Variants in GAS6 observed in about 807,000 individuals in gnomAD.
GAS6 encodes growth arrest specific 6.
GAS6 carries 41 observed loss-of-function variants against 75.8 expected under a neutral mutation model. That is an observed-to-expected ratio of 0.54 (90% CI 0.42 to 0.70). GAS6 has a LOEUF of 0.70. GAS6 is among the 30% of genes least tolerant of loss of function. The pLI, the probability that GAS6 is intolerant of heterozygous loss-of-function variation, is 0.00. For synonymous variants in GAS6, 432 were observed against 412.6 expected (o/e 1.05, Z -0.57); for missense variants, 854 against 940.2 (o/e 0.91, Z 1.20).
chr13:113,853,208 C>CGTGA (rs1469015475), intron 2 of GAS6, among the ~76,000 whole-genome samples: 2 of 152,224 alleles, frequency 1.3e-5, no homozygotes, highest in Non-Finnish European at 2.9e-5. Context: ...AAGCACCTCA[C>CGTGA]GCAGCCTAAA....
chr13:113,824,194 G>A lies in GAS6; in HGVS notation c.1478-644C>T, dbSNP rs2051502249. 3.5e-5 allele frequency among the ~76,000 whole-genome samples: 5 copies of A among 143,844 alleles called. No homozygotes were observed. The South Asian group carries it at 1.1e-3, about 32-fold the overall frequency. The allele number at this position is 143,844 out of a possible 152,430, so 94.4% of individuals were successfully genotyped here. On this transcript the variant is annotated intron_variant, in intron 12 of 14. Coordinates refer to ENST00000327773, the MANE Select transcript of GAS6 (RefSeq NM_000820.4). ...GGGGTCTGAGCTGTCAGGAGCACCC[G>A]CGGTCTGGGGTCTGAGCTGTCGGGA...
intron 2 of GAS6, among the ~76,000 whole-genome samples, chr13:113,850,853 C>G (rs1286190376): frequency 6.6e-6 from 1 of 151,008 alleles, no homozygotes; most frequent in East Asian, 2.0e-4. Context: ...TGGATAGATG[C>G]ATGTATGGAT....
intron 3 of GAS6, chr13:113,847,677 T>C (rs978696435): frequency 6.4e-6 from 2 of 314,210 alleles, no homozygotes; most frequent in African/African-American, 4.5e-5. Flanking sequence ...ATGGACCCCT[T>C]TGGGGTCCTC....
At chr13:113,836,853 GGAGGAGGAGGGGGAGTGGGGA>G (rs1229071329) in intron 6 of GAS6, among the ~76,000 whole-genome samples, 1 of 114,990 alleles carries the variant, frequency 8.7e-6, no homozygotes, top group African/African-American at 3.3e-5. Context: ...GGAGTGGGGG[GGAGGAGGAGGGGGAGTGGGGA>G]GAGGAGGAGG....
chr13:113,821,537 A>T (rs545026518), intron 14 of GAS6: 207 of 234,110 alleles, frequency 8.8e-4, no homozygotes, highest in Non-Finnish European at 1.5e-3. Flanking sequence ...CCCATGGGAC[A>T]CGGCAGGACG....
At chr13:113,856,208 C>T (rs1332104760) in intron 2 of GAS6, among the ~76,000 whole-genome samples, 1 of 152,232 alleles carries the variant, frequency 6.6e-6, no homozygotes, top group Non-Finnish European at 1.5e-5. Flanking sequence ...GCGCCCACAC[C>T]AGCACCACTC....
intron 2 of GAS6, among the ~76,000 whole-genome samples, chr13:113,849,937 C>A (rs2051860557): frequency 6.6e-6 from 1 of 152,124 alleles, no homozygotes; most frequent in Admixed American, 6.5e-5. Flanking sequence ...GATGAATAAA[C>A]CTAAAAACGC....
chr13:113,820,816 C>CGGCTGTCTCGGACAGAGACTGAGAA lies in GAS6; in HGVS notation c.*23_*47dup, dbSNP rs2051443984. ...TGGTGAGGAGCCCCCAGGCTCCTCC[C>CGGCTGTCTCGGACAGAGACTGAGAA]GGCTGTCTCGGACAGAGACTGAGAA... On this transcript the variant is annotated 3_prime_UTR_variant, in exon 15 of 15. Transcript: ENST00000327773. 6.3e-7 allele frequency: 1 copy of CGGCTGTCTCGGACAGAGACTGAGAA among 1,581,922 alleles called. No homozygotes were observed. The highest frequency in any genetic ancestry group is 8.6e-7 in the Non-Finnish European group (1 of 1,166,508).
rs557911367 is a variant in GAS6, at chr13:113,826,384, C to T, written c.1477+612G>A. On this transcript the variant is annotated intron_variant, in intron 12 of 14. Transcript: ENST00000327773. ...GACCCTGTAAGGCTCCCAGCCTCCC[C>T]GGCCTCGCAGGCACCTTCTCTCCCC... Among the ~76,000 whole-genome samples, 135 of 147,732 alleles carry T rather than the reference C, an allele frequency of 9.1e-4. 1 individual carries two copies. Among genetic ancestry groups the T allele is most frequent in the African/African-American group, 3.4e-3 (130 of 38,738 alleles).
intron 13 of GAS6, 58 bp from the exon 14 acceptor site, chr13:113,822,244 G>T: frequency 1.5e-6 from 2 of 1,311,722 alleles, no homozygotes; most frequent in Non-Finnish European, 2.1e-6. Context: ...GAGCTGTTAG[G>T]TCCAAGCTGG....
intron 2 of GAS6, among the ~76,000 whole-genome samples, chr13:113,857,087 C>T (rs1020684485): frequency 5.3e-5 from 8 of 152,144 alleles, no homozygotes; most frequent in African/African-American, 1.9e-4. Context: ...AAAACAGGGT[C>T]TAGCAGGTTT....
At chr13:113,852,093 C>T (rs55686953) in intron 2 of GAS6, among the ~76,000 whole-genome samples, 25,848 of 152,232 alleles carry the variant, frequency 0.17, 4,248 homozygotes, top group African/African-American at 0.43. Context: ...CCTGTGCTCC[C>T]GAGGCTCTGG....
intron 12 of GAS6, among the ~76,000 whole-genome samples, chr13:113,824,288 G>C (rs111905833): frequency 3.1e-5 from 2 of 64,246 alleles, no homozygotes; most frequent in East Asian, 5.0e-4. Flanking sequence ...TCGGGAGCAC[G>C]CGCGGTCTGG....
chr13:113,859,037 G>A (rs2051944922), intron 2 of GAS6, among the ~76,000 whole-genome samples: 1 of 150,120 alleles, frequency 6.7e-6, no homozygotes, highest in Non-Finnish European at 1.5e-5. Context: ...GTATGTGCAT[G>A]TCTGGACAGT....
At chr13:113,833,125 G>A in intron 8 of GAS6, 1 of 1,170,976 alleles carries the variant, frequency 8.5e-7, no homozygotes. Context: ...GGCTGTCCTG[G>A]AAAGTTCCCT....
Position 113,832,389 on chromosome 13 carries a change from T to C in GAS6, c.1053A>G (p.Arg351=), listed in dbSNP as rs760098401. ...QDSTWIVLAL[R]AGRLELQLRY... ...GCAGCTGCAGCTCCAGCCGGCCGGC[T>C]CTCAGGGCCAGCACGATCCAGGTGC... is the stretch of plus-strand genomic sequence containing the variant. Residue 351 remains arginine, a synonymous_variant, in exon 10 of 15, where the codon AGA becomes AGG. Coordinates refer to ENST00000327773, the MANE Select transcript of GAS6 (RefSeq NM_000820.4). 1 of 1,611,926 alleles carries C rather than the reference T, an allele frequency of 6.2e-7. No individual in the cohort carries two copies. The highest frequency in any genetic ancestry group is 8.5e-7 in the Non-Finnish European group (1 of 1,179,904).
chr13:113,821,991 T>G lies in GAS6; in HGVS notation c.1849A>C (p.Ser617Arg). 6.5e-7 allele frequency: 1 copy of G among 1,547,838 alleles called. No homozygotes were observed. The change falls in exon 14 of 15, where the codon AGC becomes CGC. Residue 617 changes from serine to arginine, a missense_variant. By Grantham distance (110) the Ser-to-Arg change is moderately radical. Transcript: ENST00000327773. ...CCGCCAGCAAAGGTGAGCACGGGGCTCCGCAGGTGCCTCTCGAGCACGGCC... is the reference window on the plus strand; with the variant it reads ...CCGCCAGCAAAGGTGAGCACGGGGCGCCGCAGGTGCCTCTCGAGCACGGCC... ...RLAVLERHLR[S>R]PVLTFAGGLP...
At chr13:113,858,832 T>G (rs188610852) in intron 2 of GAS6, among the ~76,000 whole-genome samples, 1 of 147,468 alleles carries the variant, frequency 6.8e-6, no homozygotes, top group Non-Finnish European at 1.5e-5. Flanking sequence ...CATGTATGTG[T>G]ACATGTCTGT....
chr13:113,831,648 G>A (rs940645910), intron 10 of GAS6, among the ~76,000 whole-genome samples: 14 of 152,070 alleles, frequency 9.2e-5, no homozygotes, highest in Non-Finnish European at 2.1e-4. Flanking sequence ...TGCACTCAAG[G>A]CCCCTTTCTG....
Sources: gnomAD v4.1 joint callset for allele counts (sites outside exome capture counted in the v4.1 genomes callset) on GRCh38, gnomAD v4.1.1 for gene constraint, MANE v1.5 for transcripts, NCBI Gene and HGNC (gene_info 2026-07-23, HGNC 2026-07-21) for gene names.